Variants in DIS3L2 observed in about 807,000 individuals in gnomAD.
DIS3L2 encodes the protein DIS3-like exonuclease 2.
DIS3L2 carries 34 observed loss-of-function variants against 97.5 expected under a neutral mutation model. The ratio of observed to expected loss-of-function variants is 0.35; its 90% CI spans 0.27 to 0.46. The LOEUF is 0.46. Among genes scored for constraint, DIS3L2 ranks in the 20% least tolerant of loss-of-function variants. The probability of loss-of-function intolerance (pLI) is 1.00; values close to 1 mark genes in which losing one functional copy is unlikely to be tolerated. For synonymous variants in DIS3L2, 435 were observed against 445.2 expected, an observed-to-expected ratio of 0.98 and a Z score of 0.29; for missense variants, 1,038 against 1,146.0, an observed-to-expected ratio of 0.91 and a Z score of 1.36.
chr2:232,023,485 GA>G (rs1294530712), intron 3 of DIS3L2, among the ~76,000 whole-genome samples: 2 of 152,186 alleles, frequency 1.3e-5, no homozygotes, highest in East Asian at 3.9e-4. Context: ...CTGGCTGTTA[GA>G]AAAATAACTG....
At chr2:232,311,655 A>G (rs1328416593) in intron 14 of DIS3L2, among the ~76,000 whole-genome samples, 1 of 152,204 alleles carries the variant, frequency 6.6e-6, no homozygotes, top group East Asian at 1.9e-4. Flanking sequence ...CACCATTGTT[A>G]TCTTCTAACA....
At chr2:232,142,132 A>G (rs565115463) in intron 8 of DIS3L2, among the ~76,000 whole-genome samples, 2 of 152,016 alleles carry the variant, frequency 1.3e-5, no homozygotes, top group Non-Finnish European at 2.9e-5. Flanking sequence ...ATGGACTCGC[A>G]TTACCAGATC....
chr2:232,096,503 A>G (rs1697019299), intron 6 of DIS3L2, among the ~76,000 whole-genome samples: 1 of 151,752 alleles, frequency 6.6e-6, no homozygotes, highest in African/African-American at 2.4e-5. Context: ...CTTGGATTAA[A>G]TTTTCTATCC....
At chr2:232,005,492 G>T (rs940907699) in intron 1 of DIS3L2, among the ~76,000 whole-genome samples, 1 of 152,132 alleles carries the variant, frequency 6.6e-6, no homozygotes, top group Non-Finnish European at 1.5e-5. Context: ...TTGTATTGAA[G>T]ATTTAGCTGC....
At chr2:232,333,227 GCCTCCT>G (rs1170491432) in intron 16 of DIS3L2, among the ~76,000 whole-genome samples, 98 of 24,206 alleles carry the variant, frequency 4.0e-3, no homozygotes, top group East Asian at 8.5e-3. Context: ...CTCCGCTGTC[GCCTCCT>G]CCTCCTCCTC....
intron 1 of DIS3L2, among the ~76,000 whole-genome samples, chr2:231,985,660 A>G (rs78849824): frequency 0.017 from 2,539 of 152,150 alleles, 71 homozygotes; most frequent in African/African-American, 0.058. Context: ...CTCTCTCTCC[A>G]CTTTTCCATA....
chr2:232,015,065 G>A, intron 2 of DIS3L2, 86 bp downstream of exon 2: 1 of 1,327,980 alleles, frequency 7.5e-7, no homozygotes. Flanking sequence ...CTGTCTTTTA[G>A]GACTGAGGGC....
intron 8 of DIS3L2, among the ~76,000 whole-genome samples, chr2:232,143,562 T>C (rs1358078640): frequency 1.3e-5 from 2 of 152,164 alleles, no homozygotes; most frequent in African/African-American, 2.4e-5. Context: ...TTTATTCAAA[T>C]GTGTACTATT....
chr2:232,123,633 C>T (rs1697970851), intron 6 of DIS3L2, among the ~76,000 whole-genome samples: 1 of 151,990 alleles, frequency 6.6e-6, no homozygotes, highest in Non-Finnish European at 1.5e-5. Context: ...CAGGAGGAAA[C>T]TACTGAAAAC....
chr2:232,225,821 T>G (rs1692629418), intron 10 of DIS3L2, among the ~76,000 whole-genome samples: 1 of 152,224 alleles, frequency 6.6e-6, no homozygotes, highest in Admixed American at 6.5e-5. Flanking sequence ...TAATATGGTA[T>G]ATCCATATAA....
chr2:232,036,501 C>CT (rs1344769724), intron 5 of DIS3L2, among the ~76,000 whole-genome samples: 1 of 152,162 alleles, frequency 6.6e-6, no homozygotes, highest in South Asian at 2.1e-4. Context: ...TTATTACCCA[C>CT]TTTCTGAAGC....
chr2:232,116,249 G>T (rs1411901351), intron 6 of DIS3L2, among the ~76,000 whole-genome samples: 2 of 152,044 alleles, frequency 1.3e-5, no homozygotes, highest in African/African-American at 2.4e-5. Context: ...GTGAAGTTAA[G>T]CTTCAGGTCT....
chr2:232,040,960 A>G (rs1191223774), intron 5 of DIS3L2, among the ~76,000 whole-genome samples: 1 of 152,226 alleles, frequency 6.6e-6, no homozygotes, highest in African/African-American at 2.4e-5. Flanking sequence ...AAATAAAAAT[A>G]TATGCTTCAG....
intron 10 of DIS3L2, among the ~76,000 whole-genome samples, chr2:232,213,029 A>G (rs909211147): frequency 3.9e-5 from 6 of 152,144 alleles, no homozygotes; most frequent in African/African-American, 1.4e-4. Context: ...AGTTGCTGCA[A>G]ATTCTTTGTA....
chr2:232,230,519 T>C (rs761706131), intron 10 of DIS3L2, among the ~76,000 whole-genome samples: 1 of 152,164 alleles, frequency 6.6e-6, no homozygotes, highest in Non-Finnish European at 1.5e-5. Context: ...AGCCAGAGCA[T>C]TGTGTTCCCA....
rs1023363125 is a variant in DIS3L2 at position 232,136,333 on chromosome 2, C to T, written c.703-139C>T. 6 of 1,021,872 alleles carry T rather than the reference C, an allele frequency of 5.9e-6. No homozygotes were observed. In the African/African-American group the frequency reaches 9.7e-5, roughly 17 times the overall value. The allele number at this position is 1,021,872 out of a possible 1,614,324, so 63.3% of individuals were successfully genotyped here. On this transcript the variant is annotated intron_variant, in intron 7 of 20. Transcript: ENST00000325385. Reference sequence around the variant, plus strand: ...AAATATAGATTACTAAGTCACAGATCATCACTGAGAGGCACTTATTTTGAC... The same window carrying T: ...AAATATAGATTACTAAGTCACAGATTATCACTGAGAGGCACTTATTTTGAC...
intron 9 of DIS3L2, among the ~76,000 whole-genome samples, chr2:232,187,693 G>A (rs1419620730): frequency 2.0e-5 from 3 of 151,804 alleles, no homozygotes; most frequent in Admixed American, 6.6e-5. Context: ...TGCCCACCTC[G>A]GCCTCCCAAA....
chr2:232,242,090 G>A (rs540501365), intron 11 of DIS3L2, among the ~76,000 whole-genome samples: 2 of 152,310 alleles, frequency 1.3e-5, no homozygotes, highest in African/African-American at 2.4e-5. Context: ...TTTTGTTAAC[G>A]TCAAACTGTG....
At chr2:231,999,743 T>C (rs1693828781) in intron 1 of DIS3L2, among the ~76,000 whole-genome samples, 1 of 152,228 alleles carries the variant, frequency 6.6e-6, no homozygotes, top group Non-Finnish European at 1.5e-5. Flanking sequence ...CCACAGTTAC[T>C]TGGGTTAGTG....
Sources: gnomAD v4.1 joint callset for allele counts (sites outside exome capture counted in the v4.1 genomes callset) on GRCh38, gnomAD v4.1.1 for gene constraint, MANE v1.5 for transcripts, NCBI Gene and HGNC (gene_info 2026-07-23, HGNC 2026-07-21) for gene names.